Variants in IGFL4 observed in about 807,000 individuals in gnomAD.
IGFL4 encodes the protein insulin growth factor-like family member 4.
A neutral mutation model predicts 15.4 loss-of-function variants in IGFL4; 12 were observed. The ratio of observed to expected loss-of-function variants is 0.78; its 90% CI spans 0.50 to 1.26. The LOEUF is 1.26. IGFL4 is among the 50% of genes most tolerant of loss of function. IGFL4 has a pLI of 0.00. For synonymous variants in IGFL4, 54 were observed against 55.9 expected, an observed-to-expected ratio of 0.97 and a Z score of 0.16; for missense variants, 126 against 147.8, an observed-to-expected ratio of 0.85 and a Z score of 0.76.
upstream of IGFL4, among the ~76,000 whole-genome samples, chr19:46,044,411 C>T (rs1424652720): frequency 6.6e-6 from 1 of 152,178 alleles, no homozygotes; most frequent in Non-Finnish European, 1.5e-5. Flanking sequence ...CCCACTTCCA[C>T]AGCACCTCAC....
chr19:46,045,271 C>A (rs1427877031), upstream of IGFL4, among the ~76,000 whole-genome samples: 3 of 151,938 alleles, frequency 2.0e-5, no homozygotes, highest in African/African-American at 7.3e-5. Context: ...GGTGAAACCC[C>A]CTCTCTACTA....
intron 1 of IGFL4, among the ~76,000 whole-genome samples, chr19:46,068,016 C>A (rs1427288543): frequency 6.6e-6 from 1 of 152,188 alleles, no homozygotes; most frequent in African/African-American, 2.4e-5. Flanking sequence ...TGCACCTTCC[C>A]CCATAATCAA....
intron 1 of IGFL4, among the ~76,000 whole-genome samples, chr19:46,064,939 C>A (rs986400528): frequency 6.6e-6 from 1 of 152,010 alleles, no homozygotes; most frequent in Non-Finnish European, 1.5e-5. Context: ...TCTCCACATC[C>A]CTGCCAGCAC....
chr19:46,068,218 C>G (rs1969513186), intron 1 of IGFL4, among the ~76,000 whole-genome samples: 2 of 152,204 alleles, frequency 1.3e-5, no homozygotes, highest in African/African-American at 4.8e-5. Context: ...GAACACAAAT[C>G]TTAAACAATC....
chr19:46,063,209 G>A (rs1969462092), intron 1 of IGFL4, among the ~76,000 whole-genome samples: 2 of 152,012 alleles, frequency 1.3e-5, no homozygotes, highest in Admixed American at 1.3e-4. Context: ...ACCCTGAATT[G>A]GCACGGAGTG....
chr19:46,072,460 A>AGGTCTTAAG (rs1209383615), intron 1 of IGFL4, among the ~76,000 whole-genome samples: 7 of 152,208 alleles, frequency 4.6e-5, no homozygotes, highest in Non-Finnish European at 1.0e-4. Flanking sequence ...CAGAGAGGTA[A>AGGTCTTAAG]GTCTTAAGAA....
chr19:46,074,107 A>G (rs1969572090), intron 1 of IGFL4, among the ~76,000 whole-genome samples: 1 of 151,896 alleles, frequency 6.6e-6, no homozygotes, highest in Non-Finnish European at 1.5e-5. Flanking sequence ...TGGCTCATTT[A>G]TGTGCTTGAG....
At chr19:46,041,882 A>G (rs190398035), upstream of IGFL4, among the ~76,000 whole-genome samples, 563 of 132,352 alleles carry the variant, frequency 4.3e-3, 2 homozygotes, top group Non-Finnish European at 6.0e-3. Context: ...TCTGTCTCCC[A>G]GGCTGGAGGG....
At chr19:46,070,653 GCACCCT>G (rs71909583) in intron 1 of IGFL4, among the ~76,000 whole-genome samples, 8,851 of 152,076 alleles carry the variant, frequency 0.058, 401 homozygotes, top group African/African-American at 0.11. Context: ...TAAAGGAGAA[GCACCCT>G]CACTTACAAC....
chr19:46,040,805 C>A lies in IGFL4; in HGVS notation c.19+139G>T. On this transcript the variant is annotated intron_variant, in intron 1 of 3. Transcript: ENST00000377697. The surrounding 1 kb of genome is among the most constrained non-coding windows in gnomAD (Gnocchi z 4.1). ...TTCAGGAGACAGATTACAATGCAGT[C>A]ACAGATGACATAGCAGTGATTATGA... The A allele has an allele frequency of 1.0e-6, 1 of 958,174 alleles. No homozygotes were observed. The highest frequency in any genetic ancestry group is 1.4e-5 in the South Asian group (1 of 70,200). The allele number at this position is 958,174 out of a possible 1,614,324, so 59.4% of individuals were successfully genotyped here.
rs60167445 is a variant in IGFL4, at chr19:46,074,286, C to CATAT, written c.-432+2730_-432+2733dup. Among the ~76,000 whole-genome samples, 328 of 149,978 alleles carry CATAT rather than the reference C, an allele frequency of 2.2e-3. 2 individuals carry two copies. The highest frequency in any genetic ancestry group is 7.7e-3 in the African/African-American group (312 of 40,760). On this transcript the variant is annotated intron_variant, in intron 1 of 5. Coordinates refer to the IGFL4 transcript ENST00000601672. Reference sequence around the variant, plus strand: ...AGAACGAGCAGGAGATATATATATACATATATATATATACACACACACATA... The same window carrying CATAT: ...AGAACGAGCAGGAGATATATATATACATATATATATATATATACACACACACATA...
chr19:46,058,285 C>G (rs767625168), intron 2 of IGFL4: 2 of 152,090 alleles, frequency 1.3e-5, no homozygotes, highest in Non-Finnish European at 1.5e-5. Flanking sequence ...AGAAATCCAG[C>G]AGGGCAGCCA....
intron 2 of IGFL4, among the ~76,000 whole-genome samples, chr19:46,051,653 C>T (rs896740979): frequency 2.6e-5 from 4 of 152,130 alleles, no homozygotes; most frequent in African/African-American, 9.7e-5. Context: ...TGTTAAATGT[C>T]AGTGGCCTAA....
upstream of IGFL4, among the ~76,000 whole-genome samples, chr19:46,041,499 G>C (rs1007134882): frequency 2.6e-5 from 4 of 152,100 alleles, no homozygotes; most frequent in Admixed American, 6.6e-5. Flanking sequence ...AGAACAGCAG[G>C]GGCTGCAAAA....
At chr19:46,055,914 T>C (rs1290308294) in intron 2 of IGFL4, among the ~76,000 whole-genome samples, 1 of 152,132 alleles carries the variant, frequency 6.6e-6, no homozygotes, top group Non-Finnish European at 1.5e-5. Context: ...GTAGCTAGGA[T>C]TACAGGTGCC....
upstream of IGFL4, among the ~76,000 whole-genome samples, chr19:46,042,788 G>A (rs1211156199): frequency 6.6e-6 from 1 of 152,186 alleles, no homozygotes; most frequent in African/African-American, 2.4e-5. Flanking sequence ...TGGCTCCATG[G>A]TATAGGGAGG....
intron 1 of IGFL4, among the ~76,000 whole-genome samples, chr19:46,074,329 T>C (rs2146531804): frequency 6.6e-6 from 1 of 151,946 alleles, no homozygotes; most frequent in South Asian, 2.1e-4. Context: ...CTTATTATTG[T>C]GGGACCTTGT....
chr19:46,065,314 C>G (rs957687341), intron 1 of IGFL4, among the ~76,000 whole-genome samples: 19 of 4,770 alleles, frequency 4.0e-3, no homozygotes, highest in Non-Finnish European at 8.9e-3. Context: ...AGAAGCTTTT[C>G]TTTTCTTTTC....
At chr19:46,048,142 G>A (rs1969313651) in intron 2 of IGFL4, among the ~76,000 whole-genome samples, 2 of 152,050 alleles carry the variant, frequency 1.3e-5, no homozygotes, top group Admixed American at 6.6e-5. Context: ...GTGATTCATC[G>A]TATAAACAGA....
Sources: allele counts gnomAD v4.1 joint callset (sites outside exome capture counted in the v4.1 genomes callset), GRCh38; gene constraint gnomAD v4.1.1; non-coding constraint Gnocchi (gnomAD v3.1); transcripts MANE v1.5; gene names NCBI Gene and HGNC (gene_info 2026-07-23, HGNC 2026-07-21).